The following ALPK2 variants were observed in gnomAD, a reference collection of about 807,000 sequenced individuals.
ALPK2 encodes alpha-protein kinase 2.
A neutral mutation model predicts 163.1 loss-of-function variants in ALPK2; 127 were observed. That is an observed-to-expected ratio of 0.78 (90% confidence interval 0.67 to 0.90). The LOEUF (loss-of-function observed/expected upper bound fraction) is 0.90, where lower values mean the gene tolerates loss of function less well. Ranked by LOEUF, ALPK2 falls within the 40% of genes least tolerant of loss-of-function variation. The probability of loss-of-function intolerance (pLI) is 0.00; values close to 1 mark genes in which losing one functional copy is unlikely to be tolerated. For missense variants in ALPK2, 2,360 were observed against 2,589.6 expected, an observed-to-expected ratio of 0.91 and a Z score of 1.92; for synonymous variants, 953 against 959.1, an observed-to-expected ratio of 0.99 and a Z score of 0.12.
intron 12 of ALPK2, among the ~76,000 whole-genome samples, chr18:58,487,748 G>A (rs12605493): frequency 0.72 from 109,981 of 152,000 alleles, 40,881 homozygotes; most frequent in East Asian, 0.89. Flanking sequence ...CAGACCAGGC[G>A]CACTGGCTCA....
chr18:58,483,046 C>A (rs942310807), intron 12 of ALPK2, among the ~76,000 whole-genome samples: 21 of 152,174 alleles, frequency 1.4e-4, no homozygotes, highest in Non-Finnish European at 1.5e-5. Context: ...CAGCTCCTCA[C>A]AGAGTGTGGA....
rs141774166 is a variant in ALPK2, at chr18:58,529,235, G to A, written c.5357C>T (p.Pro1786Leu). The A allele has an allele frequency of 6.2e-7, 1 of 1,610,096 alleles. No individual in the cohort carries two copies. Residue 1786 changes from proline (P) to leucine (L), a missense_variant, in exon 6 of 13, where the codon CCA becomes CTA. Pro to Leu is a moderately conservative substitution (Grantham distance 98, BLOSUM62 -3). Transcript: ENST00000361673. ...AGCTTGGATCTTTTTCAGTAATACT[G>A]GAGCTAGAAACAAGATATTTGAAGG... ...KPSCKREGRAPVLLKKIQAEM... is the reference protein window; with the variant it reads ...KPSCKREGRALVLLKKIQAEM...
intron 3 of ALPK2, among the ~76,000 whole-genome samples, chr18:58,584,676 C>T (rs1031257662): frequency 3.3e-5 from 5 of 152,166 alleles, no homozygotes; most frequent in African/African-American, 9.7e-5. Flanking sequence ...GTGAAGGAGA[C>T]GCCTGAAACA....
intron 4 of ALPK2, among the ~76,000 whole-genome samples, chr18:58,570,519 A>G (rs1476160836): frequency 2.0e-5 from 3 of 152,192 alleles, no homozygotes; most frequent in Admixed American, 6.5e-5. Context: ...AGAAGAAGTA[A>G]ATTTTCTGCT....
chr18:58,622,229 C>A (rs1448283163), intron 1 of ALPK2, among the ~76,000 whole-genome samples: 2 of 152,086 alleles, frequency 1.3e-5, no homozygotes, highest in Non-Finnish European at 2.9e-5. Flanking sequence ...CACCTGTAAT[C>A]CCAGCCACTT....
intron 3 of ALPK2, among the ~76,000 whole-genome samples, chr18:58,595,677 T>C (rs1401512875): frequency 6.6e-6 from 1 of 152,160 alleles, no homozygotes; most frequent in Non-Finnish European, 1.5e-5. Flanking sequence ...CAGAATTTTT[T>C]AGGGGTGGGA....
chr18:58,536,186 C>A lies in ALPK2; in HGVS notation c.4001G>T (p.Ser1334Ile), dbSNP rs753973760. Residue 1334 changes from serine to isoleucine, a missense_variant, in exon 5 of 13, where the codon AGC becomes ATC. Transcript: ENST00000361673. ...GGATGACTCCAGGAGTCTGGGTTGG[C>A]TGAAACCCCGGGAAGAAAGACTTCT... The part of the protein sequence containing the change: ...HWRSLSSRGF[S>I]QPRLLESSVD... 1.9e-6 allele frequency: 3 copies of A among 1,614,168 alleles called. 1 individual carries two copies. The South Asian group carries it at 3.3e-5, about 18-fold the overall frequency.
chr18:58,516,887 C>G (rs2144125991), intron 9 of ALPK2, 21 bp downstream of exon 9: 1 of 1,608,274 alleles, frequency 6.2e-7, no homozygotes, highest in South Asian at 1.1e-5. Flanking sequence ...GAAGTGACAG[C>G]CTTTGGGCAG....
At chr18:58,599,985 A>G (rs2052060506) in intron 3 of ALPK2, among the ~76,000 whole-genome samples, 1 of 145,390 alleles carries the variant, frequency 6.9e-6, no homozygotes, top group Admixed American at 6.8e-5. Flanking sequence ...TTCTATTAGC[A>G]GGTTGTGTGT....
chr18:58,610,275 CAAAAAAAAAAA>C (rs74183283), intron 2 of ALPK2, among the ~76,000 whole-genome samples: 1 of 61,900 alleles, frequency 1.6e-5, no homozygotes, highest in Non-Finnish European at 3.0e-5. Flanking sequence ...GACCCTGTCT[CAAAAAAAAAAA>C]AAAAAAAAAA....
chr18:58,551,678 TGAGAA>T (rs1315547167), intron 4 of ALPK2, among the ~76,000 whole-genome samples: 1 of 152,146 alleles, frequency 6.6e-6, no homozygotes, highest in Non-Finnish European at 1.5e-5. Context: ...GGTGTACACT[TGAGAA>T]GAGAAAGGTT....
intron 1 of ALPK2, among the ~76,000 whole-genome samples, chr18:58,623,421 T>C (rs2052212669): frequency 6.6e-6 from 1 of 152,074 alleles, no homozygotes; most frequent in Non-Finnish European, 1.5e-5. Flanking sequence ...TCACATCCAA[T>C]AAAAAGGGCC....
chr18:58,538,224 C>A lies in ALPK2; in HGVS notation c.1963G>T (p.Val655Leu). 1 of 1,606,214 alleles carries A rather than the reference C, an allele frequency of 6.2e-7. No individual in the cohort carries two copies. The highest frequency in any genetic ancestry group is 8.5e-7 in the Non-Finnish European group (1 of 1,178,696). ...TCTCTGACTGTTTCCTGAACTTGTACCTAGGAAGATGAAAAGTGATATTAG... is the reference window on the plus strand; with the variant it reads ...TCTCTGACTGTTTCCTGAACTTGTAACTAGGAAGATGAAAAGTGATATTAG... ...QVPDWSDPPQ[V>L]QVQETVRETI... The change falls in exon 5 of 13, where the codon GTA (valine) becomes TTA (leucine). Residue 655 changes from valine (V) to leucine (L), a missense_variant and splice_region_variant. Physicochemically the swap from Val to Leu is conservative, Grantham distance 32. Transcript: ENST00000361673.
chr18:58,621,001 CA>C (rs1202549143), intron 1 of ALPK2, among the ~76,000 whole-genome samples: 1 of 151,864 alleles, frequency 6.6e-6, no homozygotes, highest in Non-Finnish European at 1.5e-5. Flanking sequence ...ACAAAAAATA[CA>C]AAAATTAGCC....
In ALPK2 at chr18:58,580,228, C is replaced by T. The variant is rs370101782; in HGVS notation, c.548G>A (p.Ser183Asn). The T allele has an allele frequency of 6.2e-6, 10 of 1,614,212 alleles. No homozygotes were observed. Residue 183 changes from serine (S) to asparagine (N), a missense_variant, in exon 4 of 13, where the codon AGT becomes AAT. Coordinates refer to ENST00000361673, the MANE Select transcript of ALPK2 (RefSeq NM_052947.4). Reference sequence around the variant, plus strand: ...CAAAGGATTTTCAGAACTGGACACACTAATGTCAAGATTGCCCAATGACTG... The same window carrying T: ...CAAAGGATTTTCAGAACTGGACACATTAATGTCAAGATTGCCCAATGACTG... ...SLQSLGNLDI[S>N]VSSSENPLGV...
intron 10 of ALPK2, among the ~76,000 whole-genome samples, chr18:58,506,030 C>T (rs565907876): frequency 4.4e-4 from 67 of 152,310 alleles, no homozygotes; most frequent in Non-Finnish European, 8.5e-4. Flanking sequence ...CAATCCCTAG[C>T]GACTTCCTTG....
Position 58,537,410 on chromosome 18 carries a change from T to C in ALPK2, c.2777A>G (p.His926Arg). The C allele has an allele frequency of 1.2e-6, 2 of 1,613,724 alleles. No individual in the cohort carries two copies. The change falls in exon 5 of 13, where the codon CAT (histidine) becomes CGT (arginine). Residue 926 changes from histidine to arginine, a missense_variant. Transcript: ENST00000361673. ...GGGGCTTGGCTGCTCCTGGCCAGCA[T>C]GTACTGTGGAGGCCAGTGGGTAGGT... ...NSTYPLASTV[H>R]AGQEQPSPSN...
chr18:58,600,716 T>C (rs1405284364), intron 3 of ALPK2: 1 of 152,204 alleles, frequency 6.6e-6, no homozygotes, highest in Non-Finnish European at 1.5e-5. Flanking sequence ...TGAAAAACTA[T>C]CCAAACAGGG....
At chr18:58,510,444 G>A (rs1205769515) in intron 10 of ALPK2, among the ~76,000 whole-genome samples, 1 of 152,186 alleles carries the variant, frequency 6.6e-6, no homozygotes, top group Non-Finnish European at 1.5e-5. Context: ...AGCTTGATGA[G>A]GACGGCATTG....
Sources: gnomAD v4.1 joint callset for allele counts (sites outside exome capture counted in the v4.1 genomes callset) on GRCh38, gnomAD v4.1.1 for gene constraint, MANE v1.5 for transcripts, NCBI Gene and HGNC (gene_info 2026-07-23, HGNC 2026-07-21) for gene names.